Variants in MAP3K12 observed in about 807,000 individuals in gnomAD.
MAP3K12 encodes the protein mitogen-activated protein kinase kinase kinase 12, also known as MAPK-upstream kinase.
A neutral mutation model predicts 87.5 loss-of-function variants in MAP3K12; 14 were observed. That is an observed-to-expected ratio of 0.16 (90% CI 0.11 to 0.25). The LOEUF (loss-of-function observed/expected upper bound fraction) is 0.25, where lower values mean the gene tolerates loss of function less well. Among genes scored for constraint, MAP3K12 ranks in the 10% least tolerant of loss-of-function variants. The probability of loss-of-function intolerance (pLI) is 1.00; values close to 1 mark genes in which losing one functional copy is unlikely to be tolerated. For synonymous variants in MAP3K12, 469 were observed against 452.5 expected (o/e 1.04, Z -0.46); for missense variants, 802 against 1,140.4 (o/e 0.70, Z 4.27).
intron 1 of MAP3K12, chr12:53,487,852 C>T (rs947476413): frequency 6.0e-6 from 1 of 167,656 alleles, no homozygotes; most frequent in African/African-American, 2.4e-5. Context: ...AAGGGTCTCA[C>T]ATTTACACCT....
chr12:53,498,389 A>T (rs1943586405), intron 1 of MAP3K12, among the ~76,000 whole-genome samples: 1 of 152,096 alleles, frequency 6.6e-6, no homozygotes, highest in South Asian at 2.1e-4. Flanking sequence ...GTGGCTTGAG[A>T]CGACTCTGGG....
intron 4 of MAP3K12, 93 bp downstream of exon 4, chr12:53,485,963 A>T: frequency 8.1e-7 from 1 of 1,227,246 alleles, no homozygotes. Context: ...GGCCACATGG[A>T]CCTAGGGCAT....
Position 53,487,190 on chromosome 12 carries a change from C to G in MAP3K12, c.202G>C (p.Gly68Arg). 1 of 1,613,950 alleles carries G rather than the reference C, an allele frequency of 6.2e-7. No individual in the cohort carries two copies. The highest frequency in any genetic ancestry group is 8.5e-7 in the Non-Finnish European group (1 of 1,179,930). ...AAAGGCTCAGGGGGCGGCTCTCCAC[C>G]TGGGGAGGGGCTGGGCCCTCCCCCA... ...QGGGGPSPSP[G>R]GEPPPEPFAN... The change falls in exon 2 of 14, where the codon GGT becomes CGT. Residue 68 changes from glycine to arginine, a missense_variant. Physicochemically the swap from Gly to Arg is moderately radical, Grantham distance 125. Around this residue, in one of 5 missense-constraint regions of MAP3K12, gnomAD observed 135 missense variants for 151.6 expected, o/e 0.89. Transcript: ENST00000547488.
intron 1 of MAP3K12, among the ~76,000 whole-genome samples, chr12:53,491,366 C>T (rs1943398718): frequency 6.7e-6 from 1 of 149,790 alleles, no homozygotes; most frequent in Non-Finnish European, 1.5e-5. Flanking sequence ...TGCATTAGCA[C>T]TTTGCATATT....
intron 8 of MAP3K12, 78 bp downstream of exon 8, chr12:53,483,833 C>G: frequency 6.2e-7 from 1 of 1,611,170 alleles, no homozygotes; most frequent in Non-Finnish European, 8.5e-7. Context: ...TTCCACCCGC[C>G]CTGGGGCTGG....
rs1299715883 is a variant in MAP3K12 at position 53,481,066 on chromosome 12, T to C, written c.*116A>G. 1 of 362,694 alleles carries C rather than the reference T, an allele frequency of 2.8e-6. No individual in the cohort carries two copies. Among genetic ancestry groups the C allele is most frequent in the Non-Finnish European group, 4.2e-6 (1 of 239,306 alleles). 22.5% of individuals were successfully genotyped at this position (362,694 alleles called of 1,614,324 possible). A position where few individuals can be genotyped will look rare whatever the true frequency, so the allele number is the denominator to read the frequency against. ...GGGATCAGTCTCCCTCGAGCCTGAC[T>C]TACGGCTGGGACAGCCCCATCTTTC... is the stretch of plus-strand genomic sequence containing the variant. On this transcript the variant is annotated 3_prime_UTR_variant, in exon 14 of 14. Transcript: ENST00000547488.
In MAP3K12 at chr12:53,490,636, C is replaced by A. The variant is rs551016690; in HGVS notation, c.-37-3208G>T. 1.8e-3 allele frequency among the ~76,000 whole-genome samples: 274 copies of A among 150,998 alleles called. 1 individual carries two copies. Among genetic ancestry groups the A allele is most frequent in the African/African-American group, 6.5e-3 (268 of 41,036 alleles). ...GCAGGCGCCTGTAGTCCCAGCTACT[C>A]GGGAGGCTGAGGCAGAAGAATGGCA... On this transcript the variant is annotated intron_variant, in intron 1 of 13. Transcript: ENST00000547488.
intron 10 of MAP3K12, 49 bp from the exon 11 acceptor site, chr12:53,483,238 TCA>T (rs1490349553): frequency 6.5e-7 from 1 of 1,545,668 alleles, no homozygotes; most frequent in African/African-American, 1.4e-5. Context: ...ATCTATGTAC[TCA>T]AAGCACTCCC....
chr12:53,492,729 G>A (rs937033564), intron 1 of MAP3K12, among the ~76,000 whole-genome samples: 3 of 152,092 alleles, frequency 2.0e-5, no homozygotes, highest in Admixed American at 6.5e-5. Flanking sequence ...GGACCCAAGG[G>A]ATTTTGCCTG....
intron 6 of MAP3K12, chr12:53,484,653 T>C: frequency 4.3e-6 from 2 of 464,726 alleles, no homozygotes; most frequent in Non-Finnish European, 7.7e-6. Context: ...TGGGAAATGC[T>C]CAGTGACAGA....
chr12:53,482,773 G>C lies in MAP3K12; in HGVS notation c.2030C>G (p.Pro677Arg). 6.2e-7 allele frequency: 1 copy of C among 1,613,622 alleles called. No homozygotes were observed. The highest frequency in any genetic ancestry group is 1.1e-5 in the South Asian group (1 of 91,004). The change falls in exon 11 of 14, where the codon CCA becomes CGA. Residue 677 changes from proline (P) to arginine (R), a missense_variant. Around this residue, in one of 5 missense-constraint regions of MAP3K12, gnomAD observed 490 missense variants for 496.6 expected, o/e 0.99. Coordinates refer to ENST00000547488, the MANE Select transcript of MAP3K12 (RefSeq NM_001193511.2). ...SPPPARGDTPPSEGSAPGSTS... is the reference protein window; with the variant it reads ...SPPPARGDTPRSEGSAPGSTS... Reference sequence around the variant, plus strand: ...GGAGCCAGGGGCTGAGCCCTCACTTGGTGGGGTGTCACCCCGGGCCGGAGG... The same window carrying C: ...GGAGCCAGGGGCTGAGCCCTCACTTCGTGGGGTGTCACCCCGGGCCGGAGG...
chr12:53,489,644 C>T lies in MAP3K12; in HGVS notation c.-37-2216G>A, dbSNP rs1943347224. ...CCCTGGGTTAGTCTGGAAATGATTGCCATACATTCTGAATTGCAGTGGGGG... is the reference window on the plus strand; with the variant it reads ...CCCTGGGTTAGTCTGGAAATGATTGTCATACATTCTGAATTGCAGTGGGGG... On this transcript the variant is annotated intron_variant, in intron 1 of 13. Transcript: ENST00000547488. Among the ~76,000 whole-genome samples the T allele has an allele frequency of 2.0e-5, 3 of 152,306 alleles. 1 individual carries two copies. Among genetic ancestry groups the T allele is most frequent in the South Asian group, 4.1e-4 (2 of 4,824 alleles).
rs1555209691 is a variant in MAP3K12 at position 53,479,675 on chromosome 12, T to TTTTTTTGTTTTGTTTTG, written c.*1506_*1507insCAAAACAAAACAAAAAA. The stretch of plus-strand genomic sequence containing the variant: ...AGTTTTATAAGCTTCTCCCTGGTTT[T>TTTTTTTGTTTTGTTTTG]TTTTTTTTGGCTCATGAATTTTTCT... On this transcript the variant is annotated 3_prime_UTR_variant, in exon 14 of 14. Coordinates refer to ENST00000547488, the MANE Select transcript of MAP3K12 (RefSeq NM_001193511.2). The TTTTTTTGTTTTGTTTTG allele has an allele frequency of 2.1e-5, 8 of 386,334 alleles. No individual in the cohort carries two copies. Among genetic ancestry groups the TTTTTTTGTTTTGTTTTG allele is most frequent in the Non-Finnish European group, 2.8e-5 (6 of 216,442 alleles). 23.9% of individuals were successfully genotyped at this position (386,334 alleles called of 1,614,324 possible).
rs141065572 is a variant in MAP3K12 at position 53,486,534 on chromosome 12, G to A, written c.534C>T (p.His178=). ...CCTTCTTCACAGCCACCTCCTCCCC[G>A]TGGAAGCGCCCCAGGAAGACAGCAC... is the stretch of plus-strand genomic sequence containing the variant. The part of the protein sequence containing the change: ...AQGAVFLGRF[H]GEEVAVKKVR... The change falls in exon 3 of 14, where the codon CAC becomes CAT. Residue 178 remains histidine (H), a synonymous_variant. Coordinates refer to ENST00000547488, the MANE Select transcript of MAP3K12 (RefSeq NM_001193511.2). The surrounding 1 kb of genome is among the most constrained non-coding windows in gnomAD (Gnocchi z 4.9). 3 of 1,614,060 alleles carry A rather than the reference G, an allele frequency of 1.9e-6. No homozygotes were observed. Among genetic ancestry groups the A allele is most frequent in the Non-Finnish European group, 2.5e-6 (3 of 1,180,006 alleles).
chr12:53,501,362 G>A, upstream of MAP3K12: 1 of 1,550,700 alleles, frequency 6.4e-7, no homozygotes, highest in East Asian at 2.4e-5. Flanking sequence ...GTATTGGGGC[G>A]CGTGGAGGCT....
In MAP3K12 at chr12:53,489,424, A is replaced by T. The variant is rs1475127002; in HGVS notation, c.-37-1996T>A. On this transcript the variant is annotated intron_variant, in intron 1 of 13. Coordinates refer to ENST00000547488, the MANE Select transcript of MAP3K12 (RefSeq NM_001193511.2). ...TAGTTGAGCCTCAGCTATACAAAGG[A>T]ATAAACTGGCTGTCACTAAGGCACA... Among the ~76,000 whole-genome samples the T allele has an allele frequency of 2.6e-5, 4 of 152,206 alleles. No homozygotes were observed. In the East Asian group the frequency reaches 7.7e-4, roughly 29 times the overall value.
chr12:53,498,908 C>CTGTGTGTG (rs71068135), intron 1 of MAP3K12, among the ~76,000 whole-genome samples: 5 of 108,438 alleles, frequency 4.6e-5, no homozygotes, highest in African/African-American at 1.5e-4. Flanking sequence ...GTCCAGCCTG[C>CTGTGTGTG]TGTGTGTGTG....
At chr12:53,492,450 TGCGC>T (rs764285512) in intron 1 of MAP3K12, among the ~76,000 whole-genome samples, 9 of 151,108 alleles carry the variant, frequency 6.0e-5, no homozygotes, top group African/African-American at 9.7e-5. Context: ...ACACTCTCTC[TGCGC>T]GCGCGCGCGC....
At position 53,486,691 on chromosome 12, in the gene MAP3K12, A is replaced by T. The variant is rs1943236150; in HGVS notation, c.446-69T>A. ...CACTCAAGGCCAGGGACAGGATAGCATTGGGTTGGCTGAATTGACTTAAGG... is the reference window on the plus strand; with the variant it reads ...CACTCAAGGCCAGGGACAGGATAGCTTTGGGTTGGCTGAATTGACTTAAGG... On this transcript the variant is annotated intron_variant, in intron 2 of 13. Transcript: ENST00000547488. The surrounding 1 kb of genome is among the most constrained non-coding windows in gnomAD (Gnocchi z 4.9). The T allele has an allele frequency of 6.8e-7, 1 of 1,481,002 alleles. No individual in the cohort carries two copies. The highest frequency in any genetic ancestry group is 1.4e-5 in the African/African-American group (1 of 70,772). The allele number at this position is 1,481,002 out of a possible 1,614,324, so 91.7% of individuals were successfully genotyped here. A position where few individuals can be genotyped will look rare whatever the true frequency, so the allele number is the denominator to read the frequency against.
Sources: allele counts gnomAD v4.1 joint callset (sites outside exome capture counted in the v4.1 genomes callset), GRCh38; gene constraint gnomAD v4.1.1; regional missense constraint gnomAD v4.1.1; non-coding constraint Gnocchi (gnomAD v3.1); transcripts MANE v1.5; gene names NCBI Gene and HGNC (gene_info 2026-07-23, HGNC 2026-07-21).